Variants in ATXN2 observed in about 807,000 individuals in gnomAD.
The protein encoded by ATXN2 is ataxin-2.
In ATXN2, 37 loss-of-function variants were observed where a neutral mutation model predicts 138.6. That is an observed-to-expected ratio of 0.27 (90% CI 0.21 to 0.35). ATXN2 has a LOEUF of 0.35. ATXN2 is among the 10% of genes least tolerant of loss of function. The pLI, the probability that ATXN2 is intolerant of heterozygous loss-of-function variation, is 1.00. For synonymous variants in ATXN2, 549 were observed against 543.7 expected (o/e 1.01, Z -0.13); for missense variants, 1,216 against 1,480.3 (o/e 0.82, Z 2.93).
chr12:111,576,317 G>A (rs772111458), intron 1 of ATXN2, among the ~76,000 whole-genome samples: 4 of 151,820 alleles, frequency 2.6e-5, no homozygotes, highest in South Asian at 2.1e-4. Flanking sequence ...GGTAGTGCAC[G>A]TCTGTAGTCT....
upstream of ATXN2, chr12:111,599,500 G>A (rs1329183508): frequency 8.2e-7 from 1 of 1,215,322 alleles, no homozygotes; most frequent in Non-Finnish European, 1.0e-6. Flanking sequence ...GAGGAGCTGC[G>A]GCCGCTGAGC....
In ATXN2 at chr12:111,555,869, T is replaced by A. The variant is rs570736371; in HGVS notation, c.288+14A>T. 14 of 1,593,518 alleles carry A rather than the reference T, an allele frequency of 8.8e-6. No homozygotes were observed. Among genetic ancestry groups the A allele is most frequent in the Non-Finnish European group, 1.2e-5 (14 of 1,170,614 alleles). On this transcript the variant is annotated intron_variant, in intron 2 of 24. Transcript: ENST00000673436. ...TACTAATTTTCCCCAATAAGTAACA[T>A]TAAAGTTACTCACCGTAGACTGAGG...
intron 21 of ATXN2, chr12:111,461,121 A>C (rs1250106830): frequency 2.6e-5 from 4 of 152,244 alleles, no homozygotes; most frequent in African/African-American, 9.6e-5. Flanking sequence ...TCTAGCTCAA[A>C]AGATCTGAAA....
chr12:111,521,016 T>C (rs1193756496), intron 6 of ATXN2, 43 bp from the exon 7 acceptor site: 2 of 1,288,274 alleles, frequency 1.6e-6, no homozygotes, highest in Non-Finnish European at 2.2e-6. Flanking sequence ...TCAAAGTAGT[T>C]GTTCCCTTTC....
In ATXN2 at chr12:111,453,438, G is replaced by A; in HGVS notation, c.3439+239C>T. The A allele has an allele frequency of 8.0e-7, 1 of 1,253,134 alleles. No homozygotes were observed. Among genetic ancestry groups the A allele is most frequent in the Non-Finnish European group, 1.0e-6 (1 of 998,906 alleles). 77.6% of individuals were successfully genotyped at this position (1,253,134 alleles called of 1,614,324 possible). A position where few individuals can be genotyped will look rare whatever the true frequency, so the allele number is the denominator to read the frequency against. ...CATGCATCAGGCTGCTGTTGCTGCT[G>A]CTGCTGCTTCTCATCAAGCCAAATC... On this transcript the variant is annotated intron_variant, in intron 24 of 24. Coordinates refer to ENST00000673436, the MANE Select transcript of ATXN2 (RefSeq NM_001372574.1). The surrounding 1 kb of genome is among the most constrained non-coding windows in gnomAD (Gnocchi z 5.4).
At chr12:111,481,363 T>C (rs749485564) in intron 18 of ATXN2, among the ~76,000 whole-genome samples, 6 of 152,144 alleles carry the variant, frequency 3.9e-5, no homozygotes, top group Non-Finnish European at 8.8e-5. Flanking sequence ...GAGAATTGCT[T>C]GAACCCAGGA....
chr12:111,507,320 C>T lies in ATXN2; in HGVS notation c.1935+2229G>A, dbSNP rs1414332924. Among the ~76,000 whole-genome samples the T allele has an allele frequency of 1.1e-4, 17 of 151,988 alleles. No individual in the cohort carries two copies. In the East Asian group the frequency reaches 3.1e-3, roughly 28 times the overall value. On this transcript the variant is annotated intron_variant, in intron 14 of 24. Transcript: ENST00000673436. ...GAGCGCCTCTGCCCGGCCGCGACCC[C>T]GTCTGGGAGGTGAGGAGCGTCTCTG...
chr12:111,469,908 G>A, intron 20 of ATXN2, 200 bp downstream of exon 20: 1 of 539,802 alleles, frequency 1.9e-6, no homozygotes, highest in Non-Finnish European at 3.2e-6. Flanking sequence ...AAAGAGATCT[G>A]AAGACCAGGT....
rs1879839882 is a variant in ATXN2, at chr12:111,516,084, T to C, written c.1375+70A>G. On this transcript the variant is annotated intron_variant, in intron 10 of 24. Coordinates refer to ENST00000673436, the MANE Select transcript of ATXN2 (RefSeq NM_001372574.1). The surrounding 1 kb of genome is among the most constrained non-coding windows in gnomAD (Gnocchi z 5.0). ...ATTAAATAATGAAGAGGAAACTATT[T>C]TGTAATTATAAACTCACATAGGAGT... The C allele has an allele frequency of 5.0e-6, 7 of 1,397,580 alleles. No individual in the cohort carries two copies. In the South Asian group the frequency reaches 8.0e-5, roughly 16 times the overall value. The allele number at this position is 1,397,580 out of a possible 1,614,324, so 86.6% of individuals were successfully genotyped here.
intron 6 of ATXN2, among the ~76,000 whole-genome samples, chr12:111,524,587 T>G (rs923345781): frequency 6.6e-6 from 1 of 152,210 alleles, no homozygotes; most frequent in Non-Finnish European, 1.5e-5. Flanking sequence ...TGTGCCAGCA[T>G]ACCCAGCTAA....
chr12:111,477,762 T>C (rs1249245765), intron 18 of ATXN2, among the ~76,000 whole-genome samples: 5 of 152,080 alleles, frequency 3.3e-5, no homozygotes, highest in Non-Finnish European at 7.3e-5. Flanking sequence ...ATGACTTTTT[T>C]TTCTTTTTTT....
At chr12:111,507,992 A>C (rs550992298) in intron 14 of ATXN2, among the ~76,000 whole-genome samples, 3 of 152,040 alleles carry the variant, frequency 2.0e-5, no homozygotes, top group Non-Finnish European at 4.4e-5. Flanking sequence ...ACCACTCCCT[A>C]ATCTCAAGTA....
At position 111,453,477 on chromosome 12, in the gene ATXN2, G is replaced by T; in HGVS notation, c.3439+200C>A. ...TCAAGCCAAATCCTGTATACCATCA[G>T]AACACACACAGACTCGGCTCCCGGA... On this transcript the variant is annotated intron_variant, in intron 24 of 24. Transcript: ENST00000673436. This position sits in a 1 kb window ranked among gnomAD's most constrained non-coding sequence, Gnocchi z 5.4. 7.5e-7 allele frequency: 1 copy of T among 1,328,278 alleles called. No homozygotes were observed. Among genetic ancestry groups the T allele is most frequent in the African/African-American group, 1.5e-5 (1 of 66,046 alleles). 82.3% of individuals were successfully genotyped at this position (1,328,278 alleles called of 1,614,324 possible).
At chr12:111,504,864 A>C (rs1592841194) in intron 14 of ATXN2, among the ~76,000 whole-genome samples, 1 of 152,276 alleles carries the variant, frequency 6.6e-6, no homozygotes, top group Non-Finnish European at 1.5e-5. Flanking sequence ...TGTTATTCTC[A>C]TAATATTGTT....
chr12:111,596,460 G>A (rs1052025988), intron 1 of ATXN2, among the ~76,000 whole-genome samples: 3 of 152,154 alleles, frequency 2.0e-5, no homozygotes, highest in South Asian at 2.1e-4. Flanking sequence ...TTGCTATCTC[G>A]AAACTTGTCA....
chr12:111,559,973 A>T (rs975544656), intron 1 of ATXN2, among the ~76,000 whole-genome samples: 1 of 152,168 alleles, frequency 6.6e-6, no homozygotes, highest in Non-Finnish European at 1.5e-5. Flanking sequence ...ATCATTGGAG[A>T]TAAGTGCTAA....
intron 5 of ATXN2, among the ~76,000 whole-genome samples, chr12:111,542,627 C>T (rs1235367466): frequency 6.6e-6 from 1 of 152,166 alleles, no homozygotes; most frequent in Non-Finnish European, 1.5e-5. Context: ...CCACCACACC[C>T]GGCTAATTTT....
At chr12:111,570,812 A>C (rs995198252) in intron 1 of ATXN2, among the ~76,000 whole-genome samples, 1 of 152,204 alleles carries the variant, frequency 6.6e-6, no homozygotes, top group Non-Finnish European at 1.5e-5. Context: ...TGTTTCATTC[A>C]TCTTTGTCTC....
Position 111,598,951 on chromosome 12 carries a change from C to CTGCTGT in ATXN2, c.83_84insACAGCA (p.Gln27_Gln28dup), listed in dbSNP as rs1566090841. 4.2e-4 allele frequency: 10 copies of CTGCTGT among 23,588 alleles called. No homozygotes were observed. The Admixed American group carries it at 0.016, about 38-fold the overall frequency. The allele number at this position is 23,588 out of a possible 1,614,324, so 1.5% of individuals were successfully genotyped here. A position where few individuals can be genotyped will look rare whatever the true frequency, so the allele number is the denominator to read the frequency against. ...GGACATTGGCAGCCGCGGGCGGCGG[C>CTGCTGT]TGCTGCTGCTGCTGCTGCTGCTGCT... On this transcript the variant is annotated inframe_insertion, in exon 1 of 25. Transcript: ENST00000673436. The surrounding 1 kb of genome is among the most constrained non-coding windows in gnomAD (Gnocchi z 4.5).
Sources: allele counts gnomAD v4.1 joint callset (sites outside exome capture counted in the v4.1 genomes callset), GRCh38; gene constraint gnomAD v4.1.1; non-coding constraint Gnocchi (gnomAD v3.1); transcripts MANE v1.5; gene names NCBI Gene and HGNC (gene_info 2026-07-23, HGNC 2026-07-21).